DYNC2H1: variants seen among roughly 807,000 people sequenced by gnomAD.
The protein encoded by DYNC2H1 is cytoplasmic dynein 2 heavy chain 1.
A neutral mutation model predicts 570.0 loss-of-function variants in DYNC2H1; 410 were observed. That is an observed-to-expected ratio of 0.72 (90% confidence interval 0.66 to 0.78). The LOEUF is 0.78. Ranked by LOEUF, DYNC2H1 falls within the 30% of genes least tolerant of loss-of-function variation. DYNC2H1 has a pLI of 0.00. For synonymous variants in DYNC2H1, 1,688 were observed against 1,677.6 expected (o/e 1.01, Z -0.15); for missense variants, 4,865 against 5,046.4 (o/e 0.96, Z 1.09).
rs572505514 is a variant in DYNC2H1, at chr11:103,465,478, A to T, written c.12649-3111A>T. Among the ~76,000 whole-genome samples the T allele has an allele frequency of 6.6e-6, 1 of 152,110 alleles. No homozygotes were observed. The highest frequency in any genetic ancestry group is 6.5e-5 in the Admixed American group (1 of 15,270). On this transcript the variant is annotated intron_variant, in intron 87 of 88. Transcript: ENST00000375735. The surrounding 1 kb of genome is among the most constrained non-coding windows in gnomAD (Gnocchi z 4.9). ...TTTGTTTTTTTTTTTAATCTGTGGC[A>T]CATGAGTTTGAGTTAGCATTTGCTC...
rs373823672 is a variant in DYNC2H1, at chr11:103,396,627, C to T, written c.12157-3036C>T. Among the ~76,000 whole-genome samples the T allele has an allele frequency of 4.5e-4, 68 of 152,256 alleles. 1 individual carries two copies. In the South Asian group the frequency reaches 6.6e-3, roughly 15 times the overall value. ...CATTCACTTAGGTCTAAAATAGTAT[C>T]CCACCTAGGAAATTGTTTCAGTTAA... is the stretch of plus-strand genomic sequence containing the variant. On this transcript the variant is annotated intron_variant, in intron 83 of 88. Coordinates refer to ENST00000375735, the MANE Select transcript of DYNC2H1 (RefSeq NM_001377.3).
rs897152237 is a variant in DYNC2H1 at position 103,446,388 on chromosome 11, G to T, written c.12457-8798G>T. On this transcript the variant is annotated intron_variant, in intron 85 of 88. Transcript: ENST00000375735. The surrounding 1 kb of genome is among the most constrained non-coding windows in gnomAD (Gnocchi z 4.5). Reference sequence around the variant, plus strand: ...GGCTGTAGTGATCAAGAAGCCAAGAGAATAAAGTGTTCTTAAAGGTCAGAA... The same window carrying T: ...GGCTGTAGTGATCAAGAAGCCAAGATAATAAAGTGTTCTTAAAGGTCAGAA... 1.1e-4 allele frequency among the ~76,000 whole-genome samples: 16 copies of T among 152,126 alleles called. No individual in the cohort carries two copies. Among genetic ancestry groups the T allele is most frequent in the African/African-American group, 3.9e-4 (16 of 41,432 alleles).
chr11:103,429,831 C>A (rs1174814711), intron 84 of DYNC2H1, among the ~76,000 whole-genome samples: 3 of 152,164 alleles, frequency 2.0e-5, no homozygotes, highest in African/African-American at 7.2e-5. Flanking sequence ...CTCTGCATTT[C>A]TTCTCCTTTT....
intron 80 of DYNC2H1, 99 bp from the exon 81 acceptor site, chr11:103,320,930 A>G: frequency 1.2e-6 from 1 of 866,944 alleles, no homozygotes; most frequent in Non-Finnish European, 1.8e-6. Context: ...ATTTAGTTGT[A>G]TTAAATACAT....
intron 6 of DYNC2H1, 21 bp downstream of exon 6, chr11:103,117,884 A>G (rs755390055): frequency 1.3e-6 from 2 of 1,575,016 alleles, no homozygotes; most frequent in East Asian, 2.2e-5. Context: ...GATTATCTAG[A>G]TCTTTGTCTT....
intron 82 of DYNC2H1, among the ~76,000 whole-genome samples, chr11:103,331,968 GAGA>G (rs2135462509): frequency 6.6e-6 from 1 of 152,028 alleles, no homozygotes; most frequent in Admixed American, 6.5e-5. Context: ...GGTAAGGCAG[GAGA>G]ATTGCTTGAA....
chr11:103,339,131 G>T (rs1212740055), intron 82 of DYNC2H1, among the ~76,000 whole-genome samples: 1 of 152,074 alleles, frequency 6.6e-6, no homozygotes, highest in African/African-American at 2.4e-5. Context: ...AATTCCCTGA[G>T]TTCCCAGGCA....
At chr11:103,146,480 T>A (rs1860247185) in intron 18 of DYNC2H1, among the ~76,000 whole-genome samples, 1 of 152,240 alleles carries the variant, frequency 6.6e-6, no homozygotes, top group African/African-American at 2.4e-5. Flanking sequence ...AAATAGTACA[T>A]TTGTTTTATA....
intron 6 of DYNC2H1, 66 bp from the exon 7 acceptor site, chr11:103,120,380 AT>A (rs1473752863): frequency 3.6e-6 from 5 of 1,378,310 alleles, no homozygotes; most frequent in Non-Finnish European, 4.8e-6. Context: ...ATATATCTAG[AT>A]TTTAGACCTA....
intron 84 of DYNC2H1, chr11:103,408,194 T>A (rs1942945001): frequency 6.6e-6 from 1 of 151,988 alleles, no homozygotes; most frequent in Admixed American, 6.6e-5. Flanking sequence ...TTGAGGGTCA[T>A]AAGGGTTCTT....
chr11:103,323,777 A>G lies in DYNC2H1; in HGVS notation c.11935-109A>G. 4 of 869,396 alleles carry G rather than the reference A, an allele frequency of 4.6e-6. No individual in the cohort carries two copies. In the South Asian group the frequency reaches 6.2e-5, roughly 14 times the overall value. The allele number at this position is 869,396 out of a possible 1,614,324, so 53.9% of individuals were successfully genotyped here. A position where few individuals can be genotyped will look rare whatever the true frequency, so the allele number is the denominator to read the frequency against. ...ACAAAGTGAGATTTATCTAGAAAATAAAAATACAAATAATAATTGAACATT... is the reference window on the plus strand; with the variant it reads ...ACAAAGTGAGATTTATCTAGAAAATGAAAATACAAATAATAATTGAACATT... On this transcript the variant is annotated intron_variant, in intron 81 of 88. Coordinates refer to ENST00000375735, the MANE Select transcript of DYNC2H1 (RefSeq NM_001377.3).
chr11:103,368,182 T>G (rs1404063763), intron 83 of DYNC2H1, among the ~76,000 whole-genome samples: 1 of 152,242 alleles, frequency 6.6e-6, no homozygotes, highest in South Asian at 2.1e-4. Context: ...ACTCTGTACT[T>G]TTAAAATAAT....
At chr11:103,231,680 T>C (rs1864017550) in intron 60 of DYNC2H1, among the ~76,000 whole-genome samples, 1 of 152,030 alleles carries the variant, frequency 6.6e-6, no homozygotes, top group South Asian at 2.1e-4. Flanking sequence ...GTTAGAACAT[T>C]TTCTTTTAAA....
chr11:103,235,447 A>G (rs1411105773), intron 61 of DYNC2H1, among the ~76,000 whole-genome samples: 1 of 151,966 alleles, frequency 6.6e-6, no homozygotes, highest in Non-Finnish European at 1.5e-5. Context: ...ACTTTCAATG[A>G]CTAAATATGT....
chr11:103,336,948 C>CA lies in DYNC2H1; in HGVS notation c.12039+12962dup, dbSNP rs1447701186. ...GGGAACAGGCCCCCAAATCTGGCCC[C>CA]AAAACTGGTCATAAACAAAATCTCT... is the stretch of plus-strand genomic sequence containing the variant. On this transcript the variant is annotated intron_variant, in intron 82 of 88. Coordinates refer to ENST00000375735, the MANE Select transcript of DYNC2H1 (RefSeq NM_001377.3). 2.0e-5 allele frequency among the ~76,000 whole-genome samples: 3 copies of CA among 152,122 alleles called. No individual in the cohort carries two copies. In the East Asian group the frequency reaches 5.8e-4, roughly 29 times the overall value.
chr11:103,479,449 T>C lies in DYNC2H1; in HGVS notation c.*196T>C, dbSNP rs928338092. On this transcript the variant is annotated 3_prime_UTR_variant, in exon 89 of 89. Transcript: ENST00000375735. The stretch of plus-strand genomic sequence containing the variant: ...TTAAAGTAATAAATTAATGGAGTTA[T>C]TGTTAAAACAGAGTATTCTTTTGAC... 23 of 482,376 alleles carry C rather than the reference T, an allele frequency of 4.8e-5. No homozygotes were observed. Among genetic ancestry groups the C allele is most frequent in the African/African-American group, 4.1e-4 (21 of 50,606 alleles). The allele number at this position is 482,376 out of a possible 1,614,324, so 29.9% of individuals were successfully genotyped here.
At chr11:103,273,258 C>T (rs1341409769) in intron 70 of DYNC2H1, among the ~76,000 whole-genome samples, 7 of 151,556 alleles carry the variant, frequency 4.6e-5, no homozygotes, top group South Asian at 2.1e-4. Context: ...AGTGCGATCT[C>T]GGCTCACTGC....
At chr11:103,454,311 G>A (rs1434881148) in intron 85 of DYNC2H1, among the ~76,000 whole-genome samples, 2 of 152,082 alleles carry the variant, frequency 1.3e-5, no homozygotes, top group Non-Finnish European at 2.9e-5. Flanking sequence ...CATTACTATA[G>A]TACCATCTCT....
chr11:103,432,610 C>A (rs1162681170), intron 84 of DYNC2H1, among the ~76,000 whole-genome samples: 3 of 151,984 alleles, frequency 2.0e-5, no homozygotes, highest in African/African-American at 4.8e-5. Context: ...TGCCTAACAT[C>A]ATTTCCATGG....
Sources: gnomAD v4.1 joint callset for allele counts (sites outside exome capture counted in the v4.1 genomes callset) on GRCh38, gnomAD v4.1.1 for gene constraint, Gnocchi (gnomAD v3.1) non-coding constraint, MANE v1.5 for transcripts, NCBI Gene and HGNC (gene_info 2026-07-23, HGNC 2026-07-21) for gene names.